Variants in MSRA observed in about 807,000 individuals in gnomAD.
The protein encoded by MSRA is methionine sulfoxide reductase A, also known as mitochondrial peptide methionine sulfoxide reductase.
A neutral mutation model predicts 31.3 loss-of-function variants in MSRA; 54 were observed. The ratio of observed to expected loss-of-function variants is 1.73; its 90% CI spans 1.39 to 2.17. The LOEUF (loss-of-function observed/expected upper bound fraction) is 2.17. MSRA is among the 30% of genes most tolerant of loss of function. The pLI is 0.00. For missense variants in MSRA, 507 were observed against 300.9 expected (o/e 1.69, Z -5.07); for synonymous variants, 169 against 116.5 (o/e 1.45, Z -2.90).
chr8:10,372,251 G>A (rs1370244228), intron 5 of MSRA, among the ~76,000 whole-genome samples: 2 of 152,168 alleles, frequency 1.3e-5, no homozygotes, highest in Non-Finnish European at 2.9e-5. Context: ...GGAGCCAGAG[G>A]GGTCCAATTG....
chr8:10,358,106 A>G (rs1804616131), intron 5 of MSRA, among the ~76,000 whole-genome samples: 1 of 151,972 alleles, frequency 6.6e-6, no homozygotes, highest in Non-Finnish European at 1.5e-5. Flanking sequence ...TATTATTATC[A>G]TTAGTGGAGA....
intron 1 of MSRA, among the ~76,000 whole-genome samples, chr8:10,065,656 C>T (rs1044218431): frequency 6.6e-6 from 1 of 152,316 alleles, no homozygotes; most frequent in Non-Finnish European, 1.5e-5. Context: ...CATTAACAAC[C>T]TGGCAGTTAT....
intron 1 of MSRA, among the ~76,000 whole-genome samples, chr8:10,182,410 A>C (rs1806625270): frequency 6.6e-6 from 1 of 152,190 alleles, no homozygotes; most frequent in South Asian, 2.1e-4. Context: ...GAATCCGGAC[A>C]CAGCTCAGCT....
rs200739568 is a variant in MSRA, at chr8:10,316,333, A to G, written c.437-3550A>G. 2.0e-4 allele frequency among the ~76,000 whole-genome samples: 30 copies of G among 152,266 alleles called. No homozygotes were observed. The East Asian group carries it at 5.6e-3, about 28-fold the overall frequency. ...GTTCCAGATGCAGCACTGGCCTTCA[A>G]CAGGCAACCAGCCTCTCTCTGAGTG... On this transcript the variant is annotated intron_variant, in intron 4 of 5. Coordinates refer to ENST00000317173, the MANE Select transcript of MSRA (RefSeq NM_012331.5).
At chr8:10,145,951 C>T (rs1340021752) in intron 1 of MSRA, among the ~76,000 whole-genome samples, 10 of 152,232 alleles carry the variant, frequency 6.6e-5, no homozygotes, top group African/African-American at 1.7e-4. Context: ...AGGACGGGAG[C>T]GTGTCCTCCA....
At chr8:10,182,537 G>C (rs1173136884) in intron 1 of MSRA, among the ~76,000 whole-genome samples, 1 of 152,174 alleles carries the variant, frequency 6.6e-6, no homozygotes, top group African/African-American at 2.4e-5. Flanking sequence ...TTGTGTGGTT[G>C]TTGGCAAGAT....
intron 1 of MSRA, among the ~76,000 whole-genome samples, chr8:10,205,261 G>T (rs1296631455): frequency 6.6e-6 from 1 of 152,146 alleles, no homozygotes; most frequent in African/African-American, 2.4e-5. Flanking sequence ...GGAAAAAGGG[G>T]TCATGACATT....
intron 1 of MSRA, among the ~76,000 whole-genome samples, chr8:10,091,506 A>T (rs372779526): frequency 1.7e-4 from 26 of 152,270 alleles, no homozygotes; most frequent in African/African-American, 6.0e-4. Context: ...GCTATTATGA[A>T]TAATGCGGCA....
intron 1 of MSRA, among the ~76,000 whole-genome samples, chr8:10,080,496 G>C (rs1798238459): frequency 6.6e-6 from 1 of 152,012 alleles, no homozygotes; most frequent in African/African-American, 2.4e-5. Context: ...TGGACTGTCA[G>C]TTCTGTGTCA....
At chr8:10,283,170 T>TCTC (rs1554515466) in intron 3 of MSRA, among the ~76,000 whole-genome samples, 5 of 93,854 alleles carry the variant, frequency 5.3e-5, no homozygotes, top group African/African-American at 1.1e-4. Context: ...ACTCTCACCC[T>TCTC]TCTCTTTGCT....
chr8:10,088,772 A>G (rs563241683), intron 1 of MSRA, among the ~76,000 whole-genome samples: 1 of 152,208 alleles, frequency 6.6e-6, no homozygotes, highest in Non-Finnish European at 1.5e-5. Context: ...AATAAGGACC[A>G]TGTGATATAT....
intron 5 of MSRA, among the ~76,000 whole-genome samples, chr8:10,348,864 G>A (rs1032271270): frequency 6.6e-6 from 1 of 152,184 alleles, no homozygotes; most frequent in Non-Finnish European, 1.5e-5. Context: ...ACATGAGTGT[G>A]CATAACGATC....
At chr8:10,271,633 TTG>T (rs1799044052) in intron 3 of MSRA, among the ~76,000 whole-genome samples, 2 of 112,052 alleles carry the variant, frequency 1.8e-5, no homozygotes, top group African/African-American at 6.3e-5. Flanking sequence ...GACAGTCAAT[TTG>T]CATTACAAAG....
chr8:10,288,880 A>G (rs1003144510), intron 3 of MSRA, among the ~76,000 whole-genome samples: 4 of 152,158 alleles, frequency 2.6e-5, no homozygotes, highest in African/African-American at 7.2e-5. Flanking sequence ...ATGAATAGGC[A>G]ATTTTCATTG....
chr8:10,242,867 A>G (rs1242510328), intron 2 of MSRA, among the ~76,000 whole-genome samples: 1 of 152,128 alleles, frequency 6.6e-6, no homozygotes, highest in Non-Finnish European at 1.5e-5. Flanking sequence ...CTCTCCAGAA[A>G]TGTGGACATT....
At chr8:10,197,801 G>A (rs939524353) in intron 1 of MSRA, among the ~76,000 whole-genome samples, 1 of 152,170 alleles carries the variant, frequency 6.6e-6, no homozygotes, top group African/African-American at 2.4e-5. Context: ...CAGTAATACA[G>A]CTGGTTTGGT....
intron 1 of MSRA, among the ~76,000 whole-genome samples, chr8:10,161,459 A>T (rs1804639397): frequency 6.6e-6 from 1 of 152,144 alleles, no homozygotes; most frequent in Non-Finnish European, 1.5e-5. Context: ...TAGAAGCGCT[A>T]AGTAGGGCAG....
chr8:10,138,651 A>G (rs2129029761), intron 1 of MSRA, among the ~76,000 whole-genome samples: 1 of 152,328 alleles, frequency 6.6e-6, no homozygotes, highest in East Asian at 1.9e-4. Flanking sequence ...TTTGAATGGA[A>G]TAGAAGACTC....
At chr8:10,257,960 A>G (rs192181588) in intron 3 of MSRA, among the ~76,000 whole-genome samples, 233 of 152,350 alleles carry the variant, frequency 1.5e-3, no homozygotes, top group African/African-American at 5.2e-3. Flanking sequence ...ACACACGTTG[A>G]TGGCCTTTAC....
Sources: allele counts gnomAD v4.1 joint callset (sites outside exome capture counted in the v4.1 genomes callset), GRCh38; gene constraint gnomAD v4.1.1; transcripts MANE v1.5; gene names NCBI Gene and HGNC (gene_info 2026-07-23, HGNC 2026-07-21).